The following NLGN1 variants were observed in gnomAD, a reference collection of about 807,000 sequenced individuals.
The protein encoded by NLGN1 is neuroligin-1.
NLGN1 carries 12 observed loss-of-function variants against 65.5 expected under a neutral mutation model. The observed-to-expected ratio is 0.18, with a 90% CI of 0.12 to 0.30. The LOEUF is 0.30. NLGN1 is among the 10% of genes least tolerant of loss of function. The pLI, the probability that NLGN1 is intolerant of heterozygous loss-of-function variation, is 1.00. For synonymous variants in NLGN1, 350 were observed against 359.5 expected (o/e 0.97, Z 0.30); for missense variants, 750 against 1,007.1 (o/e 0.74, Z 3.46).
chr3:174,175,103 G>A (rs1165569481), intron 4 of NLGN1, among the ~76,000 whole-genome samples: 1 of 151,920 alleles, frequency 6.6e-6, no homozygotes, highest in Non-Finnish European at 1.5e-5. Context: ...ATGTGCTGAG[G>A]AGAAGAATGT....
At chr3:173,737,026 T>C (rs1000585036) in intron 3 of NLGN1, among the ~76,000 whole-genome samples, 5 of 151,998 alleles carry the variant, frequency 3.3e-5, no homozygotes, top group Non-Finnish European at 7.4e-5. Flanking sequence ...AAAGAATCTT[T>C]CTAATTATAG....
chr3:173,877,615 A>G (rs1017949956), intron 4 of NLGN1, among the ~76,000 whole-genome samples: 2 of 152,140 alleles, frequency 1.3e-5, no homozygotes, highest in African/African-American at 2.4e-5. Context: ...GTGCTATCAT[A>G]AAGGGAACCT....
intron 3 of NLGN1, among the ~76,000 whole-genome samples, chr3:173,785,145 C>T (rs757157591): frequency 2.0e-5 from 3 of 152,106 alleles, no homozygotes; most frequent in Non-Finnish European, 4.4e-5. Flanking sequence ...GTTCAAAAGC[C>T]GCCCCACTTC....
intron 4 of NLGN1, among the ~76,000 whole-genome samples, chr3:174,187,122 GTAT>G (rs1040076112): frequency 1.1e-4 from 16 of 151,516 alleles, no homozygotes; most frequent in African/African-American, 3.6e-4. Flanking sequence ...TTTTATTGTT[GTAT>G]TATTATTTTT....
chr3:174,263,301 T>C (rs1747329332), intron 4 of NLGN1, among the ~76,000 whole-genome samples: 1 of 145,308 alleles, frequency 6.9e-6, no homozygotes, highest in Non-Finnish European at 1.5e-5. Context: ...TCTCCCATTA[T>C]TAATGTGTGG....
At chr3:173,483,294 G>T (rs1727609301) in intron 2 of NLGN1, among the ~76,000 whole-genome samples, 1 of 151,954 alleles carries the variant, frequency 6.6e-6, no homozygotes. Context: ...TACATTTTGT[G>T]ACAGTCTTTT....
chr3:173,788,245 TCTTTA>T (rs1473057102), intron 3 of NLGN1, among the ~76,000 whole-genome samples: 4 of 150,772 alleles, frequency 2.7e-5, no homozygotes, highest in Non-Finnish European at 5.9e-5. Context: ...TTTATTTTTA[TCTTTA>T]CTTGCTGGTA....
intron 3 of NLGN1, among the ~76,000 whole-genome samples, chr3:173,682,293 A>G (rs979539004): frequency 3.9e-5 from 6 of 152,094 alleles, no homozygotes; most frequent in African/African-American, 1.2e-4. Context: ...TTGCCCATCT[A>G]TAAAGACAAT....
At chr3:173,445,981 T>C (rs937561894) in intron 2 of NLGN1, among the ~76,000 whole-genome samples, 2 of 152,198 alleles carry the variant, frequency 1.3e-5, no homozygotes, top group Non-Finnish European at 1.5e-5. Context: ...AGATTACCCC[T>C]GTTTTTGCTT....
intron 3 of NLGN1, among the ~76,000 whole-genome samples, chr3:173,618,165 G>A (rs1022760222): frequency 2.0e-4 from 30 of 151,904 alleles, no homozygotes; most frequent in African/African-American, 6.5e-4. Context: ...AAACATATAC[G>A]TGAATTCAGT....
intron 3 of NLGN1, among the ~76,000 whole-genome samples, chr3:173,702,176 T>C (rs1395751893): frequency 6.7e-6 from 1 of 148,298 alleles, no homozygotes; most frequent in Non-Finnish European, 1.5e-5. Context: ...GAGGCGGAGC[T>C]TGCAGTGAGC....
At chr3:173,686,209 T>C (rs1764657415) in intron 3 of NLGN1, among the ~76,000 whole-genome samples, 3 of 152,030 alleles carry the variant, frequency 2.0e-5, no homozygotes, top group African/African-American at 7.2e-5. Context: ...TCTTCAGTTG[T>C]TGAATTCAGA....
At position 174,146,148 on chromosome 3, in the gene NLGN1, CCTT is replaced by C. The variant is rs1227092174; in HGVS notation, c.647-129165_647-129163del. 3.5e-3 allele frequency among the ~76,000 whole-genome samples: 497 copies of C among 143,060 alleles called. 3 individuals carry two copies. The highest frequency in any genetic ancestry group is 0.012 in the African/African-American group (424 of 34,264). The allele number at this position is 143,060 out of a possible 152,430, so 93.9% of individuals were successfully genotyped here. A position where few individuals can be genotyped will look rare whatever the true frequency, so the allele number is the denominator to read the frequency against. ...TCCTTCCTTCCTTCCTTCCTTCCTT[CCTT>C]CCTCTCTCCCTCCCTCCCTTCCTCT... On this transcript the variant is annotated intron_variant, in intron 4 of 6. Coordinates refer to ENST00000457714, the Ensembl canonical transcript of NLGN1.
chr3:173,843,550 C>T (rs932207349), intron 4 of NLGN1, among the ~76,000 whole-genome samples: 1 of 152,168 alleles, frequency 6.6e-6, no homozygotes, highest in African/African-American at 2.4e-5. Context: ...TACCCTAAAT[C>T]ATCTCTCTCA....
intron 4 of NLGN1, among the ~76,000 whole-genome samples, chr3:174,234,943 A>G (rs1340839004): frequency 1.6e-5 from 2 of 123,034 alleles, no homozygotes; most frequent in African/African-American, 6.4e-5. Context: ...CATTTTTTAT[A>G]TATATATCAT....
chr3:174,031,478 A>T (rs1160268435), intron 4 of NLGN1, among the ~76,000 whole-genome samples: 2 of 152,268 alleles, frequency 1.3e-5, no homozygotes, highest in African/African-American at 2.4e-5. Context: ...AACATCAACA[A>T]ATAAGAAAGA....
chr3:173,674,797 A>G lies in NLGN1; in HGVS notation c.493+69706A>G, dbSNP rs149114370. 5.3e-3 allele frequency among the ~76,000 whole-genome samples: 803 copies of G among 152,228 alleles called. 4 individuals carry two copies. The highest frequency in any genetic ancestry group is 9.3e-3 in the Non-Finnish European group (630 of 67,978). On this transcript the variant is annotated intron_variant, in intron 3 of 6. Coordinates refer to ENST00000457714, the Ensembl canonical transcript of NLGN1. Reference sequence around the variant, plus strand: ...TAAAACATGGTGAGAGAGCTTAGAGAGTCCCAGTTGGGATGAGACATAGGT... The same window carrying G: ...TAAAACATGGTGAGAGAGCTTAGAGGGTCCCAGTTGGGATGAGACATAGGT...
intron 3 of NLGN1, among the ~76,000 whole-genome samples, chr3:173,704,281 G>T (rs1054462973): frequency 6.6e-6 from 1 of 152,118 alleles, no homozygotes; most frequent in Non-Finnish European, 1.5e-5. Flanking sequence ...AGTCTGTAAC[G>T]ATTCTCTTAA....
At chr3:174,276,180 G>A (rs548896108) in intron 5 of NLGN1, among the ~76,000 whole-genome samples, 2 of 151,978 alleles carry the variant, frequency 1.3e-5, no homozygotes, top group Admixed American at 6.6e-5. Context: ...GCAGCATGGA[G>A]TATTGAGGCT....
Sources: allele counts gnomAD v4.1 joint callset (sites outside exome capture counted in the v4.1 genomes callset), GRCh38; gene constraint gnomAD v4.1.1; transcripts MANE v1.5; gene names NCBI Gene and HGNC (gene_info 2026-07-23, HGNC 2026-07-21).